PCDHA5: variants seen among roughly 807,000 people sequenced by gnomAD.
PCDHA5 encodes the protein protocadherin alpha-5.
Under a neutral mutation model 61.6 loss-of-function variants are expected in PCDHA5, and 43 were observed. That is an observed-to-expected ratio of 0.70 (90% confidence interval 0.55 to 0.90). The LOEUF is 0.90. Ranked by LOEUF, PCDHA5 falls within the 40% of genes least tolerant of loss-of-function variation. The pLI, the probability that PCDHA5 is intolerant of heterozygous loss-of-function variation, is 0.00. For missense variants in PCDHA5, 1,298 were observed against 1,222.7 expected (o/e 1.06, Z -0.92); for synonymous variants, 627 against 543.9 (o/e 1.15, Z -2.13).
intron 3 of PCDHA5, among the ~76,000 whole-genome samples, chr5:140,987,698 A>T (rs1213489735): frequency 6.6e-6 from 1 of 152,142 alleles, no homozygotes; most frequent in African/African-American, 2.4e-5. Flanking sequence ...TTTTTAAATG[A>T]TTTTTCCAGG....
At chr5:140,932,192 T>C (rs1359260162) in intron 1 of PCDHA5, among the ~76,000 whole-genome samples, 4 of 151,968 alleles carry the variant, frequency 2.6e-5, no homozygotes, top group African/African-American at 9.6e-5. Context: ...GTCCATTTTT[T>C]TCTGTTAATA....
At chr5:140,904,435 A>G (rs542932460) in intron 1 of PCDHA5, among the ~76,000 whole-genome samples, 4 of 151,230 alleles carry the variant, frequency 2.6e-5, no homozygotes, top group African/African-American at 9.7e-5. Flanking sequence ...ATATATATGT[A>G]TATTACAATT....
chr5:140,949,639 T>C (rs1563239072), intron 1 of PCDHA5, among the ~76,000 whole-genome samples: 1 of 152,036 alleles, frequency 6.6e-6, no homozygotes, highest in East Asian at 1.9e-4. Flanking sequence ...ATATTGCTTT[T>C]TGTTCATTTT....
chr5:140,823,465 C>G lies in PCDHA5; in HGVS notation c.1690C>G (p.Leu564Val), dbSNP rs1554129364. 1.9e-6 allele frequency: 3 copies of G among 1,613,368 alleles called. No homozygotes were observed. The highest frequency in any genetic ancestry group is 1.1e-5 in the South Asian group (1 of 91,060). ...VLDENDNAPA[L>V]LVPRVGGTGG... Reference sequence around the variant, plus strand: ...GGACGAGAACGACAACGCGCCGGCGCTGCTGGTGCCTCGAGTGGGTGGCAC... The same window carrying G: ...GGACGAGAACGACAACGCGCCGGCGGTGCTGGTGCCTCGAGTGGGTGGCAC... The change falls in exon 1 of 4, where the codon CTG becomes GTG. Residue 564 changes from leucine (L) to valine (V), a missense_variant. Leu to Val is a conservative substitution (Grantham distance 32, BLOSUM62 1). Coordinates refer to ENST00000529859, the MANE Select transcript of PCDHA5 (RefSeq NM_018908.3).
chr5:140,967,628 T>C (rs1341456967), intron 1 of PCDHA5: 3 of 1,613,984 alleles, frequency 1.9e-6, no homozygotes, highest in Non-Finnish European at 2.5e-6. Context: ...GGATGAGGGC[T>C]CCAATGGTGA....
intron 1 of PCDHA5, chr5:140,841,790 G>T (rs2150322746): frequency 6.2e-7 from 1 of 1,613,884 alleles, no homozygotes. Flanking sequence ...GCTAGAGGGC[G>T]CGTCCGATGC....
intron 1 of PCDHA5, among the ~76,000 whole-genome samples, chr5:140,941,206 T>TCTTCCTTC (rs201128549): frequency 1.0e-4 from 10 of 95,674 alleles, no homozygotes; most frequent in African/African-American, 3.6e-4. Flanking sequence ...TTTCTTCCTT[T>TCTTCCTTC]CTTTCTTCCT....
intron 1 of PCDHA5, chr5:140,858,217 G>A: frequency 1.3e-6 from 2 of 1,595,954 alleles, no homozygotes; most frequent in Non-Finnish European, 1.7e-6. Flanking sequence ...GGTGCTCGGC[G>A]GCGCCCACCG....
chr5:140,845,796 C>A (rs1780039234), intron 1 of PCDHA5, among the ~76,000 whole-genome samples: 1 of 149,428 alleles, frequency 6.7e-6, no homozygotes, highest in African/African-American at 2.5e-5. Flanking sequence ...TAAACTCTGG[C>A]AAGTGATAGG....
intron 1 of PCDHA5, chr5:140,884,324 G>T (rs782624216): frequency 1.2e-6 from 2 of 1,613,840 alleles, no homozygotes; most frequent in Non-Finnish European, 1.7e-6. Context: ...GTCGGCAGGC[G>T]CTGTGGGTCC....
rs369720251 is a variant in PCDHA5 at position 140,883,769 on chromosome 5, G to A, written c.2352+59642G>A. 9.3e-6 allele frequency: 15 copies of A among 1,612,378 alleles called. No homozygotes were observed. The South Asian group carries it at 1.2e-4, about 13-fold the overall frequency. On this transcript the variant is annotated intron_variant, in intron 1 of 3. Transcript: ENST00000529859. ...CTCGCTGGTGGAGCGGCGGGTGGGC[G>A]AGCGTGCGCTGTCGAGCTACGTGTC...
intron 1 of PCDHA5, among the ~76,000 whole-genome samples, chr5:140,939,804 G>A (rs2092463605): frequency 6.6e-6 from 1 of 152,140 alleles, no homozygotes; most frequent in Non-Finnish European, 1.5e-5. Flanking sequence ...TGTTCTGCAT[G>A]TTCAAGAAAA....
chr5:140,955,677 G>A (rs989922322), intron 1 of PCDHA5, among the ~76,000 whole-genome samples: 6 of 151,960 alleles, frequency 3.9e-5, no homozygotes, highest in African/African-American at 1.2e-4. Context: ...TAGTTTTTTC[G>A]AAATCTGTGA....
chr5:140,950,070 A>G (rs2094446713), intron 1 of PCDHA5, among the ~76,000 whole-genome samples: 1 of 151,890 alleles, frequency 6.6e-6, no homozygotes, highest in Non-Finnish European at 1.5e-5. Flanking sequence ...TTCCTGTGCC[A>G]TTGCTTATGC....
chr5:140,838,179 T>A (rs1554136904), intron 1 of PCDHA5, among the ~76,000 whole-genome samples: 1 of 150,072 alleles, frequency 6.7e-6, no homozygotes, highest in East Asian at 2.0e-4. Context: ...AGTGGTGCAA[T>A]CTCAGCTCAC....
chr5:140,988,381 T>C (rs1554250091), intron 3 of PCDHA5, among the ~76,000 whole-genome samples: 3 of 152,158 alleles, frequency 2.0e-5, no homozygotes, highest in Admixed American at 6.5e-5. Flanking sequence ...GTGAAACTCA[T>C]TGTGTTTGCC....
intron 1 of PCDHA5, chr5:140,869,294 T>C: frequency 1.9e-6 from 3 of 1,613,634 alleles, no homozygotes; most frequent in Non-Finnish European, 1.7e-6. Flanking sequence ...CAGCGCCTGT[T>C]CCGGGTGGCG....
At position 140,823,708 on chromosome 5, in the gene PCDHA5, C is replaced by A; in HGVS notation, c.1933C>A (p.Arg645Ser). The change falls in exon 1 of 4, where the codon CGC (arginine) becomes AGC (serine). Residue 645 changes from arginine to serine, a missense_variant. By Grantham distance (110) the Arg-to-Ser change is moderately radical. Coordinates refer to ENST00000529859, the MANE Select transcript of PCDHA5 (RefSeq NM_018908.3). Reference sequence around the variant, plus strand: ...GGATGAGACCGAAGCACCGCGCCACCGCCTTCTGGTGCTGGTGAAGGACCA... The same window carrying A: ...GGATGAGACCGAAGCACCGCGCCACAGCCTTCTGGTGCTGGTGAAGGACCA... ...SLDETEAPRH[R>S]LLVLVKDHGE... 1 of 1,613,946 alleles carries A rather than the reference C, an allele frequency of 6.2e-7. No individual in the cohort carries two copies. Among genetic ancestry groups the A allele is most frequent in the Non-Finnish European group, 8.5e-7 (1 of 1,179,938 alleles).
At chr5:140,914,393 C>A (rs1338816793) in intron 1 of PCDHA5, among the ~76,000 whole-genome samples, 1 of 152,080 alleles carries the variant, frequency 6.6e-6, no homozygotes, top group Non-Finnish European at 1.5e-5. Context: ...AGTGTAGTTA[C>A]CCCTGCTCCT....
Sources: allele counts gnomAD v4.1 joint callset (sites outside exome capture counted in the v4.1 genomes callset), GRCh38; gene constraint gnomAD v4.1.1; transcripts MANE v1.5; gene names NCBI Gene and HGNC (gene_info 2026-07-23, HGNC 2026-07-21).